RYR2: variants seen among roughly 807,000 people sequenced by gnomAD.
RYR2 encodes the protein ryanodine receptor 2.
In RYR2, 227 loss-of-function variants were observed where a neutral mutation model predicts 601.1. The ratio of observed to expected loss-of-function variants is 0.38; its 90% CI spans 0.34 to 0.42. The LOEUF (loss-of-function observed/expected upper bound fraction) is 0.42. RYR2 is among the 10% of genes least tolerant of loss of function. RYR2 has a pLI of 1.00. For synonymous variants in RYR2, 2,223 were observed against 2,175.1 expected (o/e 1.02, Z -0.61); for missense variants, 4,646 against 6,156.5 (o/e 0.75, Z 8.21).
At chr1:237,294,406 G>T (rs545883570) in intron 2 of RYR2, among the ~76,000 whole-genome samples, 3 of 151,394 alleles carry the variant, frequency 2.0e-5, no homozygotes, top group Non-Finnish European at 4.4e-5. Flanking sequence ...TTGCTATCCT[G>T]ATCTATTCAG....
At chr1:237,402,825 A>G (rs930528949) in intron 10 of RYR2, among the ~76,000 whole-genome samples, 1 of 149,112 alleles carries the variant, frequency 6.7e-6, no homozygotes, top group African/African-American at 2.5e-5. Flanking sequence ...TCTATTGGGC[A>G]GGCTGGAGTA....
At chr1:237,500,983 C>G in intron 21 of RYR2, 80 bp downstream of exon 21, 1 of 1,312,358 alleles carries the variant, frequency 7.6e-7, no homozygotes, top group Non-Finnish European at 1.1e-6. Context: ...TGCCATTGCC[C>G]TTCTTCTCTA....
At chr1:237,258,916 A>T (rs1688251561) in intron 1 of RYR2, among the ~76,000 whole-genome samples, 1 of 152,116 alleles carries the variant, frequency 6.6e-6, no homozygotes, top group Non-Finnish European at 1.5e-5. Flanking sequence ...GGGACTAGAA[A>T]AGCATTGATG....
At chr1:237,333,590 A>G (rs987428343) in intron 3 of RYR2, 1 of 455,956 alleles carries the variant, frequency 2.2e-6, no homozygotes. Context: ...CCACTTAACC[A>G]TTTTATTCAT....
intron 42 of RYR2, among the ~76,000 whole-genome samples, chr1:237,631,881 GCCTCC>G (rs10582836): frequency 0.8 from 120,909 of 151,092 alleles, 48,733 homozygotes; most frequent in African/African-American, 0.89. Context: ...GCCCGCCTTG[GCCTCC>G]CCTCCCGAAG....
intron 8 of RYR2, among the ~76,000 whole-genome samples, chr1:237,381,757 A>T (rs1363379017): frequency 6.6e-6 from 1 of 152,160 alleles, no homozygotes; most frequent in Non-Finnish European, 1.5e-5. Flanking sequence ...TATGTTGAAC[A>T]TTGGGGCTCA....
intron 14 of RYR2, among the ~76,000 whole-genome samples, chr1:237,446,808 A>AT (rs1708383911): frequency 6.6e-6 from 1 of 152,004 alleles, no homozygotes; most frequent in Non-Finnish European, 1.5e-5. Flanking sequence ...ACATTTTTGT[A>AT]TTTTTTATTA....
At chr1:237,065,296 T>TTC (rs1340143990) in intron 1 of RYR2, among the ~76,000 whole-genome samples, 7 of 13,424 alleles carry the variant, frequency 5.2e-4, no homozygotes, top group Non-Finnish European at 8.0e-4. Flanking sequence ...TTTTTTTTTT[T>TTC]CGAGAGGGAG....
At chr1:237,813,537 T>C (rs1490107980) in intron 100 of RYR2, among the ~76,000 whole-genome samples, 1 of 152,226 alleles carries the variant, frequency 6.6e-6, no homozygotes, top group Non-Finnish European at 1.5e-5. Context: ...ATTCAAGTTG[T>C]AATCATAGGA....
intron 1 of RYR2, among the ~76,000 whole-genome samples, chr1:237,248,925 C>G (rs1479288740): frequency 6.6e-6 from 1 of 152,034 alleles, no homozygotes. Context: ...CCACGTCCGG[C>G]TAATGTTTTT....
rs1694544440 is a variant in RYR2 at position 237,774,995 on chromosome 1, T to C, written c.11775+1347T>C. Among the ~76,000 whole-genome samples the C allele has an allele frequency of 4.6e-5, 6 of 130,922 alleles. No homozygotes were observed. In the Admixed American group the frequency reaches 5.1e-4, roughly 11 times the overall value. 85.9% of individuals were successfully genotyped at this position (130,922 alleles called of 152,430 possible). The stretch of plus-strand genomic sequence containing the variant: ...TATGCAAAACTCTAGGGTGTTGTCA[T>C]AGAACACAGATTTCTATGTGAATGT... On this transcript the variant is annotated intron_variant, in intron 87 of 104. Coordinates refer to ENST00000366574, the MANE Select transcript of RYR2 (RefSeq NM_001035.3).
intron 56 of RYR2, among the ~76,000 whole-genome samples, chr1:237,662,499 T>A (rs1438406019): frequency 2.1e-5 from 3 of 145,376 alleles, no homozygotes; most frequent in South Asian, 2.2e-4. Context: ...TTTTTTTTTT[T>A]AATTATTCTG....
intron 42 of RYR2, 101 bp downstream of exon 42, chr1:237,631,642 T>TTTTTTTTTTTTTA: frequency 1.9e-6 from 1 of 539,196 alleles, no homozygotes; most frequent in African/African-American, 3.1e-5. Flanking sequence ...TTTTTTTTTT[T>TTTTTTTTTTTTTA]TTTGGAGACA....
intron 24 of RYR2, among the ~76,000 whole-genome samples, chr1:237,525,948 C>T (rs1667539069): frequency 6.6e-6 from 1 of 150,644 alleles, no homozygotes; most frequent in Non-Finnish European, 1.5e-5. Flanking sequence ...CCATTGCACT[C>T]CAGCCTGGGT....
rs71178401 is a variant in RYR2, at chr1:237,180,682, GTATATATGTA to G, written c.49-89808_49-89799del. Among the ~76,000 whole-genome samples the G allele has an allele frequency of 0.36, 52,280 of 146,026 alleles. 9,531 individuals carry two copies. The highest frequency in any genetic ancestry group is 0.52 in the East Asian group (2,657 of 5,070). On this transcript the variant is annotated intron_variant, in intron 1 of 104. Coordinates refer to ENST00000366574, the MANE Select transcript of RYR2 (RefSeq NM_001035.3). This position sits in a 1 kb window ranked among gnomAD's most constrained non-coding sequence, Gnocchi z 5.3. ...TATATGTATACATGTGTATATATGTGTATATATGTATATATAAGTATATATACACATATAT... is the reference window on the plus strand; with the variant it reads ...TATATGTATACATGTGTATATATGTGTATATAAGTATATATACACATATAT...
intron 1 of RYR2, among the ~76,000 whole-genome samples, chr1:237,042,881 G>T (rs1660084881): frequency 6.6e-6 from 1 of 152,176 alleles, no homozygotes; most frequent in Non-Finnish European, 1.5e-5. Flanking sequence ...GGAACCGGGA[G>T]AGGAGGGGAC....
chr1:237,437,693 G>A (rs1448080737), intron 12 of RYR2, among the ~76,000 whole-genome samples: 7 of 152,220 alleles, frequency 4.6e-5, no homozygotes, highest in Non-Finnish European at 8.8e-5. Flanking sequence ...TGAATGAAAA[G>A]AGAAAATATC....
intron 1 of RYR2, among the ~76,000 whole-genome samples, chr1:237,221,472 G>T (rs1683795187): frequency 6.6e-6 from 1 of 152,186 alleles, no homozygotes; most frequent in African/African-American, 2.4e-5. Flanking sequence ...TTCGAACACA[G>T]TAAACTTTAT....
chr1:237,098,285 A>G (rs1269602360), intron 1 of RYR2, among the ~76,000 whole-genome samples: 2 of 152,228 alleles, frequency 1.3e-5, no homozygotes, highest in East Asian at 3.8e-4. Flanking sequence ...AAAATTGCAT[A>G]TACTCAAAAT....
Sources: allele counts gnomAD v4.1 joint callset (sites outside exome capture counted in the v4.1 genomes callset), GRCh38; gene constraint gnomAD v4.1.1; non-coding constraint Gnocchi (gnomAD v3.1); transcripts MANE v1.5; gene names NCBI Gene and HGNC (gene_info 2026-07-23, HGNC 2026-07-21).